Variants in CLNK observed in about 807,000 individuals in gnomAD.
The protein encoded by CLNK is cytokine dependent hematopoietic cell linker, also known as cytokine-dependent hematopoietic cell linker.
Under a neutral mutation model 68.6 loss-of-function variants are expected in CLNK, and 74 were observed. The observed-to-expected ratio is 1.08, with a 90% CI of 0.89 to 1.31. CLNK has a LOEUF of 1.31. CLNK is among the 50% of genes most tolerant of loss of function. The pLI is 0.00. For synonymous variants in CLNK, 198 were observed against 172.2 expected, an observed-to-expected ratio of 1.15 and a Z score of -1.17; for missense variants, 553 against 515.3, an observed-to-expected ratio of 1.07 and a Z score of -0.71.
chr4:10,603,885 T>C (rs952629689), intron 2 of CLNK, among the ~76,000 whole-genome samples: 2 of 152,226 alleles, frequency 1.3e-5, no homozygotes, highest in African/African-American at 4.8e-5. Context: ...CTGACTCTTT[T>C]ATTTAGTGAG....
intron 2 of CLNK, among the ~76,000 whole-genome samples, chr4:10,652,251 G>A (rs542110955): frequency 1.3e-4 from 19 of 151,490 alleles, no homozygotes; most frequent in African/African-American, 4.1e-4. Flanking sequence ...GCATGGTGGC[G>A]AGCACCTGTA....
the CLNK span, among the ~76,000 whole-genome samples, chr4:10,713,528 TG>T: frequency 2.0e-5 from 3 of 151,944 alleles, no homozygotes; most frequent in Non-Finnish European, 4.4e-5. Context: ...GAGAGAGACC[TG>T]GGGGTAGTGA....
At chr4:10,635,441 G>A (rs1232649636) in intron 2 of CLNK, among the ~76,000 whole-genome samples, 1 of 152,126 alleles carries the variant, frequency 6.6e-6, no homozygotes, top group Non-Finnish European at 1.5e-5. Flanking sequence ...TACGTGCTCT[G>A]GCCAAGAGAG....
Position 10,660,523 on chromosome 4 carries a change from T to G in CLNK, c.11+7336A>C, listed in dbSNP as rs933743108. 2.0e-4 allele frequency among the ~76,000 whole-genome samples: 31 copies of G among 152,248 alleles called. 1 individual carries two copies. The highest frequency in any genetic ancestry group is 7.5e-4 in the African/African-American group (31 of 41,470). Reference sequence around the variant, plus strand: ...AATGTTTTACAAAGAATTACATTACTTACATGATAACAAACTCATGCATTA... The same window carrying G: ...AATGTTTTACAAAGAATTACATTACGTACATGATAACAAACTCATGCATTA... On this transcript the variant is annotated intron_variant, in intron 2 of 18. Coordinates refer to ENST00000226951, the MANE Select transcript of CLNK (RefSeq NM_052964.4).
rs201095445 is a variant in CLNK at position 10,508,873 on chromosome 4, C to T, written c.907-837G>A. 2.4e-4 allele frequency among the ~76,000 whole-genome samples: 36 copies of T among 152,158 alleles called. No individual in the cohort carries two copies. The East Asian group carries it at 3.7e-3, about 16-fold the overall frequency. On this transcript the variant is annotated intron_variant, in intron 16 of 18. Coordinates refer to ENST00000226951, the MANE Select transcript of CLNK (RefSeq NM_052964.4). ...CCTGTAATCCCAGCACTTTGGGAGGCCAAGGCGGGCGGATCACAAGGTCAG... is the reference window on the plus strand; with the variant it reads ...CCTGTAATCCCAGCACTTTGGGAGGTCAAGGCGGGCGGATCACAAGGTCAG...
intron 2 of CLNK, among the ~76,000 whole-genome samples, chr4:10,638,132 C>T (rs948898239): frequency 6.6e-6 from 1 of 152,216 alleles, no homozygotes; most frequent in Admixed American, 6.5e-5. Flanking sequence ...CACGGCCTGA[C>T]ATTCAGCCTG....
At chr4:10,682,394 A>T (rs1464067781) in intron 1 of CLNK, among the ~76,000 whole-genome samples, 1 of 152,174 alleles carries the variant, frequency 6.6e-6, no homozygotes, top group Non-Finnish European at 1.5e-5. Context: ...GTAGCTTATG[A>T]CAGTGGATAT....
chr4:10,632,168 C>A (rs955082502), intron 2 of CLNK, among the ~76,000 whole-genome samples: 1 of 152,226 alleles, frequency 6.6e-6, no homozygotes, highest in Non-Finnish European at 1.5e-5. Context: ...ATGGCAACTT[C>A]TTTTCCCCAG....
At chr4:10,561,486 T>C (rs571556577) in intron 7 of CLNK, among the ~76,000 whole-genome samples, 3 of 151,882 alleles carry the variant, frequency 2.0e-5, no homozygotes, top group African/African-American at 7.2e-5. Context: ...TTATTCTTTG[T>C]AAAAAAAAAT....
the CLNK span, among the ~76,000 whole-genome samples, chr4:10,704,618 C>A: frequency 6.6e-6 from 1 of 152,272 alleles, no homozygotes; most frequent in Admixed American, 6.5e-5. Context: ...GCTGCTGAGA[C>A]AACACACAGC....
At chr4:10,518,093 T>G (rs1301335446) in intron 15 of CLNK, among the ~76,000 whole-genome samples, 1 of 151,124 alleles carries the variant, frequency 6.6e-6, no homozygotes, top group African/African-American at 2.4e-5. Flanking sequence ...GAATGGAGGG[T>G]CAAGGAAATG....
intron 1 of CLNK, 30 bp from the exon 2 acceptor site, chr4:10,667,941 G>C (rs1202722452): frequency 1.6e-6 from 2 of 1,273,440 alleles, no homozygotes; most frequent in Non-Finnish European, 2.2e-6. Flanking sequence ...CGCGTTACTG[G>C]AACTTCCACA....
chr4:10,682,313 T>G (rs10516206), intron 1 of CLNK, among the ~76,000 whole-genome samples: 52,540 of 152,014 alleles, frequency 0.35, 9,223 homozygotes, highest in East Asian at 0.46. Flanking sequence ...TTTATGTTTC[T>G]TTGTCATGCT....
At chr4:10,658,853 C>T (rs908449665) in intron 2 of CLNK, among the ~76,000 whole-genome samples, 3 of 152,248 alleles carry the variant, frequency 2.0e-5, no homozygotes, top group African/African-American at 7.2e-5. Flanking sequence ...TCAGCATACA[C>T]TGCAGAAAAG....
At chr4:10,640,120 T>A (rs752626155) in intron 2 of CLNK, among the ~76,000 whole-genome samples, 5 of 152,224 alleles carry the variant, frequency 3.3e-5, no homozygotes, top group Non-Finnish European at 5.9e-5. Flanking sequence ...AAGAGGTTAT[T>A]TAGGGCATTG....
intron 2 of CLNK, among the ~76,000 whole-genome samples, chr4:10,602,936 A>G (rs1263452649): frequency 6.6e-6 from 1 of 152,248 alleles, no homozygotes; most frequent in Non-Finnish European, 1.5e-5. Flanking sequence ...TGACATGGCA[A>G]GTTGACGGTG....
chr4:10,574,288 CAAACTGT>C (rs1404392030), intron 4 of CLNK, among the ~76,000 whole-genome samples: 1 of 152,172 alleles, frequency 6.6e-6, no homozygotes, highest in Non-Finnish European at 1.5e-5. Context: ...TCTCCTGGAC[CAAACTGT>C]AGTCAGGCTA....
the CLNK span, among the ~76,000 whole-genome samples, chr4:10,714,682 T>TGG: frequency 5.0e-5 from 5 of 99,932 alleles, no homozygotes; most frequent in Admixed American, 2.4e-4. Flanking sequence ...ACATTCATTG[T>TGG]GGTGTGTGTG....
chr4:10,666,732 G>A (rs1017582979), intron 2 of CLNK, among the ~76,000 whole-genome samples: 10 of 152,222 alleles, frequency 6.6e-5, no homozygotes, highest in African/African-American at 2.4e-5. Flanking sequence ...TCTCACTCGG[G>A]TGAGGAGCCC....
Sources: allele counts gnomAD v4.1 joint callset (sites outside exome capture counted in the v4.1 genomes callset), GRCh38; gene constraint gnomAD v4.1.1; transcripts MANE v1.5; gene names NCBI Gene and HGNC (gene_info 2026-07-23, HGNC 2026-07-21).